Variants in COX15 observed in about 807,000 individuals in gnomAD.
COX15 encodes the protein heme A synthase COX15.
A neutral mutation model predicts 51.9 loss-of-function variants in COX15; 51 were observed. That is an observed-to-expected ratio of 0.98 (90% CI 0.78 to 1.24). The LOEUF is 1.24. Among genes scored for constraint, COX15 ranks in the 50% most tolerant of loss-of-function variants. The probability of loss-of-function intolerance (pLI) is 0.00; values close to 1 mark genes in which losing one functional copy is unlikely to be tolerated. For synonymous variants in COX15, 188 were observed against 190.5 expected (o/e 0.99, Z 0.11); for missense variants, 420 against 501.1 (o/e 0.84, Z 1.55).
chr10:99,724,206 CAG>C (rs2036872594), intron 4 of COX15, 83 bp from the exon 5 acceptor site: 1 of 1,500,970 alleles, frequency 6.7e-7, no homozygotes, highest in Non-Finnish European at 9.2e-7. Flanking sequence ...TTTTTTGAGA[CAG>C]AGTCTCACTC....
chr10:99,723,819 T>C, intron 5 of COX15, 137 bp downstream of exon 5: 1 of 934,678 alleles, frequency 1.1e-6, no homozygotes, highest in Non-Finnish European at 1.7e-6. Flanking sequence ...TATTTTTCAA[T>C]TTGTTTCACC....
At chr10:99,715,777 T>TC (rs1409393013) in intron 8 of COX15, among the ~76,000 whole-genome samples, 4 of 152,292 alleles carry the variant, frequency 2.6e-5, no homozygotes, top group African/African-American at 9.6e-5. Context: ...TTCACTTTTT[T>TC]CCAATTTGAT....
At chr10:99,710,485 T>C (rs532975247), downstream of COX15, 90 of 985,348 alleles carry the variant, frequency 9.1e-5, no homozygotes, top group Non-Finnish European at 1.0e-4. Flanking sequence ...TGTATTACAT[T>C]GCTTTGGGGA....
chr10:99,709,371 G>A (rs536567466), downstream of COX15: 20 of 985,354 alleles, frequency 2.0e-5, no homozygotes, highest in African/African-American at 3.3e-4. Flanking sequence ...AGAAATAGCA[G>A]ATGTTTCAAA....
rs1478230179 is a variant in COX15, at chr10:99,731,176, A to G, written c.90+784T>C. Among the ~76,000 whole-genome samples the G allele has an allele frequency of 2.6e-5, 4 of 152,152 alleles. No homozygotes were observed. In the East Asian group the frequency reaches 7.7e-4, roughly 29 times the overall value. ...TGTATCTGTGGCCTGTTGTTGACCA[A>G]AATGTTGTTATGCAGCACATCACTC... On this transcript the variant is annotated intron_variant, in intron 1 of 8. Coordinates refer to ENST00000016171, the MANE Select transcript of COX15 (RefSeq NM_078470.6).
downstream of COX15, chr10:99,709,276 T>G: frequency 1.0e-6 from 1 of 985,372 alleles, no homozygotes. Flanking sequence ...TCTTTAAACT[T>G]TTCAAATTAA....
chr10:99,698,599 G>A, the COX15 span: 1 of 1,614,182 alleles, frequency 6.2e-7, no homozygotes, highest in Non-Finnish European at 8.5e-7. Context: ...CTGCCAGTGG[G>A]ACTCACAGAT....
chr10:99,725,534 C>T (rs1051252218), intron 4 of COX15, among the ~76,000 whole-genome samples: 2 of 152,130 alleles, frequency 1.3e-5, no homozygotes, highest in Non-Finnish European at 2.9e-5. Context: ...TCTTCTCTCT[C>T]ATCTCCCTCC....
chr10:99,701,110 G>C, the COX15 span: 29 of 1,364,564 alleles, frequency 2.1e-5, no homozygotes, highest in Non-Finnish European at 3.0e-5. Context: ...CTAGATGGCA[G>C]ATTATAATGG....
chr10:99,715,874 A>G (rs1180102754), intron 8 of COX15, among the ~76,000 whole-genome samples: 1 of 151,844 alleles, frequency 6.6e-6, no homozygotes. Flanking sequence ...CTGGCCATTA[A>G]TCATTGTTTT....
At chr10:99,710,474 C>G (rs894800483), downstream of COX15, 3 of 985,248 alleles carry the variant, frequency 3.0e-6, no homozygotes, top group Admixed American at 6.2e-5. Context: ...CAAAGGCTGC[C>G]TGTATTACAT....
chr10:99,700,249 C>T, the COX15 span, among the ~76,000 whole-genome samples: 2 of 152,026 alleles, frequency 1.3e-5, no homozygotes, highest in Non-Finnish European at 2.9e-5. Flanking sequence ...ATTTTTTTCC[C>T]TTACCTTTTT....
chr10:99,698,497 GTGTT>G, the COX15 span: 244 of 1,562,096 alleles, frequency 1.6e-4, no homozygotes, highest in Middle Eastern at 1.7e-3. Flanking sequence ...CAGGCATGAC[GTGTT>G]TGTTTGTTTG....
chr10:99,728,486 C>G (rs1008686618), intron 2 of COX15, among the ~76,000 whole-genome samples: 2 of 152,196 alleles, frequency 1.3e-5, no homozygotes, highest in African/African-American at 4.8e-5. Flanking sequence ...CCTATACAAA[C>G]TATACCTTGG....
chr10:99,719,647 C>T (rs2036697011), intron 6 of COX15, among the ~76,000 whole-genome samples: 1 of 151,824 alleles, frequency 6.6e-6, no homozygotes. Flanking sequence ...AATACCACCA[C>T]ACATGGCTAA....
downstream of COX15, chr10:99,709,465 C>G (rs1225951605): frequency 1.0e-6 from 1 of 985,152 alleles, no homozygotes; most frequent in African/African-American, 1.7e-5. Flanking sequence ...CCTGGTGTTA[C>G]AAAAAATATT....
chr10:99,728,534 T>C (rs1357358288), intron 2 of COX15, among the ~76,000 whole-genome samples: 1 of 152,206 alleles, frequency 6.6e-6, no homozygotes. Context: ...CTTTTTAGAG[T>C]TGAGCTAATA....
the COX15 span, among the ~76,000 whole-genome samples, chr10:99,702,087 G>A: frequency 6.6e-6 from 1 of 151,998 alleles, no homozygotes; most frequent in African/African-American, 2.4e-5. Flanking sequence ...AACAAAACTA[G>A]AATAGTGTAA....
chr10:99,709,241 A>G (rs1052608910), downstream of COX15: 9 of 985,302 alleles, frequency 9.1e-6, no homozygotes, highest in Non-Finnish European at 8.4e-6. Flanking sequence ...CTGTTACAGA[A>G]ACAGAGGGCT....
Sources: gnomAD v4.1 joint callset for allele counts (sites outside exome capture counted in the v4.1 genomes callset) on GRCh38, gnomAD v4.1.1 for gene constraint, MANE v1.5 for transcripts, NCBI Gene and HGNC (gene_info 2026-07-23, HGNC 2026-07-21) for gene names.